The following OR6K3 variants were observed in gnomAD, a reference collection of about 807,000 sequenced individuals.
OR6K3 encodes olfactory receptor 6K3.
For synonymous variants in OR6K3, 169 were observed against 137.7 expected, an observed-to-expected ratio of 1.23 and a Z score of -1.59; for missense variants, 396 against 382.5, an observed-to-expected ratio of 1.04 and a Z score of -0.29.
chr1:158,719,931 C>A (rs2101986446), intron 1 of OR6K3, among the ~76,000 whole-genome samples: 1 of 152,110 alleles, frequency 6.6e-6, no homozygotes, highest in South Asian at 2.1e-4. Context: ...TGATTATCCC[C>A]ATTTTACAGA....
At chr1:158,721,633 A>T (rs888885411), upstream of OR6K3, among the ~76,000 whole-genome samples, 14 of 151,620 alleles carry the variant, frequency 9.2e-5, no homozygotes, top group African/African-American at 2.9e-4. Flanking sequence ...TGATCCCATG[A>T]CTCAAGTATT....
At chr1:158,719,187 G>A (rs558488279) in intron 1 of OR6K3, among the ~76,000 whole-genome samples, 1 of 100,102 alleles carries the variant, frequency 1.0e-5, no homozygotes, top group African/African-American at 3.3e-5. Context: ...TTTTGCTTCT[G>A]TTTTATTTAT....
upstream of OR6K3, chr1:158,724,638 A>G (rs1417018674): frequency 8.5e-6 from 2 of 234,896 alleles, no homozygotes. Flanking sequence ...AGAGCTGAAC[A>G]CAGAGCCCGG....
At chr1:158,719,007 C>G (rs1171632001) in intron 1 of OR6K3, among the ~76,000 whole-genome samples, 2 of 152,018 alleles carry the variant, frequency 1.3e-5, no homozygotes, top group Non-Finnish European at 2.9e-5. Flanking sequence ...TGATACTATA[C>G]TGATCACGTT....
Position 158,717,735 on chromosome 1 carries a change from G to A in OR6K3, c.381C>T (p.Cys127=). ...TGATCATTTGATAGCGAAGAGGGTT[G>A]CAGATGGCAACGTATCTGTCAATGG... is the stretch of plus-strand genomic sequence containing the variant. ...TMAIDRYVAI[C]NPLRYQMIMT... is the part of the protein sequence containing the mutation. Residue 127 remains cysteine (C), a synonymous_variant, in exon 2 of 2, where the codon TGC becomes TGT. Transcript: ENST00000368145. The A allele has an allele frequency of 2.5e-6, 4 of 1,613,824 alleles. No individual in the cohort carries two copies. The highest frequency in any genetic ancestry group is 3.4e-6 in the Non-Finnish European group (4 of 1,179,844).
upstream of OR6K3, among the ~76,000 whole-genome samples, chr1:158,722,001 T>TAATGAA (rs2101987406): frequency 6.6e-6 from 1 of 152,076 alleles, no homozygotes; most frequent in African/African-American, 2.4e-5. Context: ...ATTTGTGTCT[T>TAATGAA]AGAGTTAGTC....
At position 158,717,179 on chromosome 1, in the gene OR6K3, G is replaced by C; in HGVS notation, c.937C>G (p.Pro313Ala). ...LFCLQKVLNK[P>A]GG ...CCTGTGGCTCTGTATTAACCTCCAGGCTTGTTCAACACTTTTTGAAGACAG... is the reference window on the plus strand; with the variant it reads ...CCTGTGGCTCTGTATTAACCTCCAGCCTTGTTCAACACTTTTTGAAGACAG... Residue 313 changes from proline (P) to alanine (A), a missense_variant, in exon 2 of 2, where the codon CCT becomes GCT. Coordinates refer to ENST00000368145, the MANE Select transcript of OR6K3 (RefSeq NM_001005327.3). The C allele has an allele frequency of 2.5e-6, 4 of 1,607,910 alleles. No homozygotes were observed. The highest frequency in any genetic ancestry group is 1.7e-4 in the Middle Eastern group (1 of 6,016).
At chr1:158,723,662 G>A (rs2101988139), upstream of OR6K3, among the ~76,000 whole-genome samples, 1 of 152,064 alleles carries the variant, frequency 6.6e-6, no homozygotes, top group Admixed American at 6.5e-5. Context: ...ATAAAACTAA[G>A]ATGCAGACAA....
chr1:158,720,145 T>G lies in OR6K3; in HGVS notation c.-18+538A>C, dbSNP rs142167244. 1.8e-3 allele frequency among the ~76,000 whole-genome samples: 279 copies of G among 152,206 alleles called. 2 individuals carry two copies. The highest frequency in any genetic ancestry group is 6.5e-3 in the African/African-American group (270 of 41,570). On this transcript the variant is annotated intron_variant, in intron 1 of 1. Transcript: ENST00000368145. The stretch of plus-strand genomic sequence containing the variant: ...ATAGGAAACACTTGGAAGTGTTGAA[T>G]GCCATTATGCTTTATTGAAGCGTTT...
Position 158,717,391 on chromosome 1 carries a change from C to T in OR6K3, c.725G>A (p.Gly242Asp), listed in dbSNP as rs764367736. 2.0e-5 allele frequency: 32 copies of T among 1,613,646 alleles called. No homozygotes were observed. The South Asian group carries it at 3.4e-4, about 17-fold the overall frequency. Reference sequence around the variant, plus strand: ...GAATATCGGGAAGACCATGAGGTGGCCTGCACAGGTAGAAAAAGCCTTTTG... The same window carrying T: ...GAATATCGGGAAGACCATGAGGTGGTCTGCACAGGTAGAAAAAGCCTTTTG... ...GRQKAFSTCA[G>D]HLMVFPIFFG... The change falls in exon 2 of 2, where the codon GGC (glycine) becomes GAC (aspartate). Residue 242 changes from glycine (G) to aspartate (D), a missense_variant. Gly to Asp is a moderately conservative substitution (Grantham distance 94). Coordinates refer to ENST00000368145, the MANE Select transcript of OR6K3 (RefSeq NM_001005327.3).
chr1:158,723,526 A>G (rs544453195), upstream of OR6K3, among the ~76,000 whole-genome samples: 1 of 152,200 alleles, frequency 6.6e-6, no homozygotes, highest in Admixed American at 6.5e-5. Context: ...TTAACAGATA[A>G]CACTTATTTT....
Position 158,717,902 on chromosome 1 carries a change from A to G in OR6K3, c.214T>C (p.Trp72Arg), listed in dbSNP as rs1161881287. The change falls in exon 2 of 2, where the codon TGG becomes CGG. Residue 72 changes from tryptophan to arginine, a missense_variant. Trp to Arg is a moderately radical substitution (Grantham distance 101). Transcript: ENST00000368145. ...FISIFSFLEI[W>R]YTTATIPKML... is the part of the protein sequence containing the mutation. ...TTGGGAATGGTGGCTGTGGTGTACC[A>G]GATCTCCAGAAAGGAAAATATACTG... The G allele has an allele frequency of 6.2e-7, 1 of 1,613,710 alleles. No individual in the cohort carries two copies. The highest frequency in any genetic ancestry group is 8.5e-7 in the Non-Finnish European group (1 of 1,179,734).
intron 1 of OR6K3, among the ~76,000 whole-genome samples, chr1:158,720,109 G>T (rs1296769986): frequency 6.6e-6 from 1 of 151,948 alleles, no homozygotes; most frequent in Non-Finnish European, 1.5e-5. Flanking sequence ...TAAAACCTTA[G>T]TGTTAGGAAT....
upstream of OR6K3, among the ~76,000 whole-genome samples, chr1:158,721,250 T>C (rs939619143): frequency 6.6e-6 from 1 of 152,046 alleles, no homozygotes; most frequent in Admixed American, 6.6e-5. Flanking sequence ...GTTTTTCTCA[T>C]GTCGTGAGTG....
At position 158,718,133 on chromosome 1, in the gene OR6K3, C is replaced by T; in HGVS notation, c.-17-1G>A. The stretch of plus-strand genomic sequence containing the variant: ...CTCTCCATATTTCTAGTAGAGCTAC[C>T]TGTAAATGGAGAGGGCATAGTCCAG... On this transcript the variant is annotated splice_acceptor_variant, in intron 1 of 1. Transcript: ENST00000368145. LOFTEE classifies it low-confidence loss of function (5UTR_SPLICE). The T allele has an allele frequency of 6.7e-7, 1 of 1,499,606 alleles. No individual in the cohort carries two copies. Among genetic ancestry groups the T allele is most frequent in the Non-Finnish European group, 9.2e-7 (1 of 1,083,624 alleles). 92.9% of individuals were successfully genotyped at this position (1,499,606 alleles called of 1,614,324 possible).
chr1:158,719,981 A>G (rs1428841613), intron 1 of OR6K3, among the ~76,000 whole-genome samples: 4 of 152,182 alleles, frequency 2.6e-5, no homozygotes, highest in Middle Eastern at 3.4e-3. Flanking sequence ...TTCTTTGTCC[A>G]GAAATTCTCG....
chr1:158,724,774 C>T, upstream of OR6K3: 1 of 221,640 alleles, frequency 4.5e-6, no homozygotes, highest in Non-Finnish European at 9.7e-6. Flanking sequence ...CAAGAGGCAG[C>T]CAACCATGGA....
rs1325405706 is a variant in OR6K3, at chr1:158,717,357, A to C, written c.759T>G (p.Ser253Arg). 1.4e-5 allele frequency: 23 copies of C among 1,613,680 alleles called. No individual in the cohort carries two copies. The highest frequency in any genetic ancestry group is 1.9e-5 in the Non-Finnish European group (23 of 1,179,804). ...TGAAACGCAAGTACATGAGTGATACACTGCCAAAGAATATCGGGAAGACCA... is the reference window on the plus strand; with the variant it reads ...TGAAACGCAAGTACATGAGTGATACCCTGCCAAAGAATATCGGGAAGACCA... Reference protein sequence around the residue: ...HLMVFPIFFGSVSLMYLRFSD... With the variant: ...HLMVFPIFFGRVSLMYLRFSD... The change falls in exon 2 of 2, where the codon AGT becomes AGG. Residue 253 changes from serine (S) to arginine (R), a missense_variant. Transcript: ENST00000368145.
chr1:158,721,817 T>A (rs1354331190), upstream of OR6K3, among the ~76,000 whole-genome samples: 1 of 152,012 alleles, frequency 6.6e-6, no homozygotes, highest in East Asian at 1.9e-4. Context: ...TTCTCTAAAT[T>A]CTGGGACATA....
Sources: allele counts gnomAD v4.1 joint callset (sites outside exome capture counted in the v4.1 genomes callset), GRCh38; gene constraint gnomAD v4.1.1; transcripts MANE v1.5; gene names NCBI Gene and HGNC (gene_info 2026-07-23, HGNC 2026-07-21).